Variants in A1CF observed in about 807,000 individuals in gnomAD.
The protein encoded by A1CF is APOBEC-1 stimulating protein.
A1CF carries 48 observed loss-of-function variants against 68.9 expected under a neutral mutation model. The ratio of observed to expected loss-of-function variants is 0.70; its 90% CI spans 0.55 to 0.89. A1CF has a LOEUF of 0.89. Among genes scored for constraint, A1CF ranks in the 40% least tolerant of loss-of-function variants. The pLI, the probability that A1CF is intolerant of heterozygous loss-of-function variation, is 0.00. For synonymous variants in A1CF, 272 were observed against 260.4 expected, an observed-to-expected ratio of 1.04 and a Z score of -0.43; for missense variants, 653 against 718.9, an observed-to-expected ratio of 0.91 and a Z score of 1.05.
At chr10:50,814,088 T>C in intron 9 of A1CF, 50 bp from the exon 10 acceptor site, 3 of 1,597,580 alleles carry the variant, frequency 1.9e-6, no homozygotes, top group Non-Finnish European at 2.6e-6. Context: ...GGCATTAAAC[T>C]GAATCAAACC....
intron 5 of A1CF, 86 bp downstream of exon 5, chr10:50,841,776 A>G (rs1839788868): frequency 5.3e-6 from 8 of 1,516,302 alleles, no homozygotes; most frequent in Non-Finnish European, 7.1e-6. Context: ...TTTTTTTGGC[A>G]TACACCATAT....
chr10:50,807,134 G>T (rs1463722017), intron 12 of A1CF, among the ~76,000 whole-genome samples: 1 of 152,150 alleles, frequency 6.6e-6, no homozygotes, highest in Non-Finnish European at 1.5e-5. Context: ...ATACTTAAGA[G>T]AATTAAAGAT....
At chr10:50,850,563 G>T in intron 3 of A1CF, 1 of 1,436,392 alleles carries the variant, frequency 7.0e-7, no homozygotes, top group Non-Finnish European at 9.8e-7. Flanking sequence ...TTATTCGAGT[G>T]TTTTTCAAAA....
At chr10:50,878,422 C>A (rs1215394163) in intron 1 of A1CF, among the ~76,000 whole-genome samples, 1 of 152,182 alleles carries the variant, frequency 6.6e-6, no homozygotes, top group African/African-American at 2.4e-5. Context: ...ATTGAAACAA[C>A]CCTGACTTTA....
In A1CF at chr10:50,806,688, A is replaced by T; in HGVS notation, c.*41T>A. 1.3e-6 allele frequency: 2 copies of T among 1,496,572 alleles called. No individual in the cohort carries two copies. Among genetic ancestry groups the T allele is most frequent in the Non-Finnish European group, 1.8e-6 (2 of 1,119,330 alleles). 92.7% of individuals were successfully genotyped at this position (1,496,572 alleles called of 1,614,324 possible). A position where few individuals can be genotyped will look rare whatever the true frequency, so the allele number is the denominator to read the frequency against. On this transcript the variant is annotated 3_prime_UTR_variant, in exon 13 of 13. Transcript: ENST00000373997. ...GGTTTATTTCTTTTTTTTTTTTAAT[A>T]GAGTTTTGTGTGTCTTATTCTTAAA...
chr10:50,831,964 G>A (rs554020139), intron 6 of A1CF, among the ~76,000 whole-genome samples: 1 of 152,222 alleles, frequency 6.6e-6, no homozygotes, highest in Admixed American at 6.5e-5. Flanking sequence ...TACTGTTGAT[G>A]GGAATGTAAG....
At chr10:50,850,684 A>C in intron 3 of A1CF, 2 of 1,614,052 alleles carry the variant, frequency 1.2e-6, no homozygotes, top group South Asian at 2.2e-5. Flanking sequence ...CAAAGTTTGC[A>C]AAATGATGGA....
Position 50,809,986 on chromosome 10 carries a change from G to A in A1CF, c.1517C>T (p.Ala506Val). 6.2e-7 allele frequency: 1 copy of A among 1,614,046 alleles called. No individual in the cohort carries two copies. Among genetic ancestry groups the A allele is most frequent in the African/African-American group, 1.3e-5 (1 of 75,052 alleles). The change falls in exon 12 of 13, where the codon GCA becomes GTA. Residue 506 changes from alanine (A) to valine (V), a missense_variant. Coordinates refer to ENST00000373997, the MANE Select transcript of A1CF (RefSeq NM_014576.4). ...CAGGGTCTGCAGGGTGTATTCGGCT[G>A]CATACGTCTTTGCTTCATCCACAAA... ...SAFVDEAKTYAAEYTLQTLGI... is the reference protein window; with the variant it reads ...SAFVDEAKTYVAEYTLQTLGI...
intron 10 of A1CF, among the ~76,000 whole-genome samples, chr10:50,811,854 A>T (rs1020717909): frequency 6.6e-6 from 1 of 152,080 alleles, no homozygotes; most frequent in Admixed American, 6.5e-5. Flanking sequence ...CTAAAGATTC[A>T]TAGTTTCTTT....
intron 1 of A1CF, among the ~76,000 whole-genome samples, chr10:50,874,449 A>C (rs1380078502): frequency 6.6e-6 from 1 of 152,202 alleles, no homozygotes; most frequent in Non-Finnish European, 1.5e-5. Context: ...AATGAGAAGC[A>C]CTTTAAATCC....
At position 50,820,527 on chromosome 10, in the gene A1CF, T is replaced by A. The variant is rs763969641; in HGVS notation, c.867+25A>T. On this transcript the variant is annotated intron_variant, in intron 8 of 12. Coordinates refer to ENST00000373997, the MANE Select transcript of A1CF (RefSeq NM_014576.4). ...ACACCAAACTTGGATGTAATCTGCA[T>A]ATTTTTTTCTTTCTTCTACCTTACC... The A allele has an allele frequency of 1.9e-6, 3 of 1,603,234 alleles. No individual in the cohort carries two copies. In the South Asian group the frequency reaches 3.3e-5, roughly 18 times the overall value.
At chr10:50,822,495 C>G (rs547771294) in intron 7 of A1CF, among the ~76,000 whole-genome samples, 16 of 152,138 alleles carry the variant, frequency 1.1e-4, no homozygotes, top group Non-Finnish European at 2.4e-4. Context: ...TTTTTACTCT[C>G]CCACGTGGTT....
intron 1 of A1CF, among the ~76,000 whole-genome samples, chr10:50,872,442 G>A (rs1841312222): frequency 6.6e-6 from 1 of 152,094 alleles, no homozygotes; most frequent in Non-Finnish European, 1.5e-5. Flanking sequence ...TTGAATTTAG[G>A]TAGCCTGGAG....
chr10:50,881,129 A>G (rs887077466), intron 1 of A1CF, among the ~76,000 whole-genome samples: 1 of 151,998 alleles, frequency 6.6e-6, no homozygotes, highest in Non-Finnish European at 1.5e-5. Context: ...AGCTGGGATT[A>G]CAGGTACCCA....
rs761116642 is a variant in A1CF, at chr10:50,816,099, G to T, written c.1048C>A (p.Pro350Thr). The T allele has an allele frequency of 6.2e-7, 1 of 1,613,772 alleles. No homozygotes were observed. The highest frequency in any genetic ancestry group is 1.1e-5 in the South Asian group (1 of 91,072). ...CTGGGAATTGCTGCATAGGTCTGGG[G>T]GGCATAGAAGACAGGAGCTCCAAGG... ...TYLGAPVFYA[P>T]QTYAAIPSLH... Residue 350 changes from proline to threonine, a missense_variant, in exon 9 of 13, where the codon CCC (proline) becomes ACC (threonine). By Grantham distance (38) the Pro-to-Thr change is conservative (BLOSUM62 -1). Transcript: ENST00000373997.
rs1290091703 is a variant in A1CF, at chr10:50,869,836, G to A, written c.-93-5756C>T. ...GCTAATTTGTTATCTCTGGGTGAGTGGATTAACAAATTATTTTTGTTTTCT... is the reference window on the plus strand; with the variant it reads ...GCTAATTTGTTATCTCTGGGTGAGTAGATTAACAAATTATTTTTGTTTTCT... On this transcript the variant is annotated intron_variant, in intron 1 of 12. Transcript: ENST00000373997. Among the ~76,000 whole-genome samples the A allele has an allele frequency of 2.6e-5, 4 of 151,744 alleles. No homozygotes were observed. In the East Asian group the frequency reaches 7.7e-4, roughly 29 times the overall value.
intron 9 of A1CF, among the ~76,000 whole-genome samples, chr10:50,815,269 T>A (rs1051609650): frequency 8.5e-5 from 13 of 152,322 alleles, no homozygotes; most frequent in Admixed American, 8.5e-4. Flanking sequence ...AATAAAGGCT[T>A]TCTTTATCTT....
chr10:50,839,018 A>G (rs1457321482), intron 5 of A1CF, among the ~76,000 whole-genome samples: 1 of 152,130 alleles, frequency 6.6e-6, no homozygotes, highest in East Asian at 1.9e-4. Flanking sequence ...TAGAGCACCT[A>G]GTATGTGTCA....
intron 7 of A1CF, among the ~76,000 whole-genome samples, chr10:50,823,299 A>G (rs1354321191): frequency 6.6e-6 from 1 of 152,182 alleles, no homozygotes; most frequent in East Asian, 1.9e-4. Flanking sequence ...TCTTTAGTGC[A>G]TAGGAGTTTG....
Sources: allele counts gnomAD v4.1 joint callset (sites outside exome capture counted in the v4.1 genomes callset), GRCh38; gene constraint gnomAD v4.1.1; transcripts MANE v1.5; gene names NCBI Gene and HGNC (gene_info 2026-07-23, HGNC 2026-07-21).